SCGB2A1: variants seen among roughly 807,000 people sequenced by gnomAD.
SCGB2A1 encodes secretoglobin family 2A member 1.
A neutral mutation model predicts 9.2 loss-of-function variants in SCGB2A1; 6 were observed. That is an observed-to-expected ratio of 0.66 (90% CI 0.36 to 1.29). The LOEUF (loss-of-function observed/expected upper bound fraction) is 1.29, where lower values mean the gene tolerates loss of function less well. Ranked by LOEUF, SCGB2A1 falls within the 50% of genes most tolerant of loss-of-function variation. The pLI, the probability that SCGB2A1 is intolerant of heterozygous loss-of-function variation, is 0.03. For synonymous variants in SCGB2A1, 37 were observed against 41.0 expected (o/e 0.90, Z 0.37); for missense variants, 138 against 116.9 (o/e 1.18, Z -0.83).
At chr11:62,213,061 C>T (rs1254608205) in intron 2 of SCGB2A1, among the ~76,000 whole-genome samples, 10 of 40,240 alleles carry the variant, frequency 2.5e-4, no homozygotes, top group Non-Finnish European at 4.9e-4. Flanking sequence ...CACATATATA[C>T]ACATATATAC....
intron 2 of SCGB2A1, among the ~76,000 whole-genome samples, chr11:62,213,106 A>ATATATATTT (rs67975205): frequency 0.11 from 12,234 of 116,164 alleles, 1,512 homozygotes; most frequent in Admixed American, 0.14. Flanking sequence ...ATATATATAT[A>ATATATATTT]TTTTTTTTTT....
In SCGB2A1 at chr11:62,213,106, A is replaced by ATATATATATATAT. The variant is rs67975205; in HGVS notation, c.244-619_244-618insATATATATATATT. Reference sequence around the variant, plus strand: ...CATATATACACATATATATATATATATTTTTTTTTTTGTAGAGATGGCATT... The same window carrying ATATATATATATAT: ...CATATATACACATATATATATATATATATATATATATATTTTTTTTTTTTGTAGAGATGGCATT... On this transcript the variant is annotated intron_variant, in intron 2 of 2. Coordinates refer to ENST00000244930, the MANE Select transcript of SCGB2A1 (RefSeq NM_002407.3). Among the ~76,000 whole-genome samples the ATATATATATATAT allele has an allele frequency of 6.3e-4, 73 of 116,226 alleles. 1 individual carries two copies. The highest frequency in any genetic ancestry group is 3.7e-3 in the Admixed American group (39 of 10,438). 76.2% of individuals were successfully genotyped at this position (116,226 alleles called of 152,430 possible). A position where few individuals can be genotyped will look rare whatever the true frequency, so the allele number is the denominator to read the frequency against.
At chr11:62,211,125 T>C (rs1273159681) in intron 2 of SCGB2A1, among the ~76,000 whole-genome samples, 1 of 152,056 alleles carries the variant, frequency 6.6e-6, no homozygotes, top group African/African-American at 2.4e-5. Flanking sequence ...AGTTTCACCA[T>C]GTTGGCCAGG....
chr11:62,210,404 TTTTTC>T lies in SCGB2A1; in HGVS notation c.56-8_56-4del. The T allele has an allele frequency of 1.4e-6, 2 of 1,425,948 alleles. No individual in the cohort carries two copies. Among genetic ancestry groups the T allele is most frequent in the South Asian group, 1.5e-5 (1 of 68,200 alleles). 88.3% of individuals were successfully genotyped at this position (1,425,948 alleles called of 1,614,324 possible). ...CTTGTGTCTTTTTTTTTTTTTTTTT[TTTTTC>T]CAGATTCTGGCTGCAAACTCCTGGA... On this transcript the variant is annotated splice_polypyrimidine_tract_variant and splice_region_variant and intron_variant, in intron 1 of 2. Transcript: ENST00000244930.
In SCGB2A1 at chr11:62,210,569, A is replaced by T; in HGVS notation, c.212A>T (p.His71Leu). The change falls in exon 2 of 3, where the codon CAT (histidine) becomes CTT (leucine). Residue 71 changes from histidine (H) to leucine (L), a missense_variant. Transcript: ENST00000244930. ...AAGCAGTGTTTCCTCAACCAGTCAC[A>T]TAGAACTCTGAAAAACTTTGGACTG... ...KFKQCFLNQSHRTLKNFGLMM... is the reference protein window; with the variant it reads ...KFKQCFLNQSLRTLKNFGLMM... 1 of 1,562,506 alleles carries T rather than the reference A, an allele frequency of 6.4e-7. No individual in the cohort carries two copies. The highest frequency in any genetic ancestry group is 2.2e-5 in the Admixed American group (1 of 46,402).
At chr11:62,212,979 TGC>T (rs1565121327) in intron 2 of SCGB2A1, among the ~76,000 whole-genome samples, 28 of 146,788 alleles carry the variant, frequency 1.9e-4, no homozygotes, top group African/African-American at 6.4e-4. Flanking sequence ...CACATATATG[TGC>T]ACATATACAT....
In SCGB2A1 at chr11:62,210,516, T is replaced by C; in HGVS notation, c.159T>C (p.Asp53=). ...TTCTTCAAGAGTTCATAGACAGTGATGCCGCTGCAGAGGCTATGGGGAAAT... is the reference window on the plus strand; with the variant it reads ...TTCTTCAAGAGTTCATAGACAGTGACGCCGCTGCAGAGGCTATGGGGAAAT... The part of the protein sequence containing the change: ...KELLQEFIDS[D]AAAEAMGKFK... Residue 53 remains aspartate (D), a synonymous_variant, in exon 2 of 3, where the codon GAT becomes GAC. Coordinates refer to ENST00000244930, the MANE Select transcript of SCGB2A1 (RefSeq NM_002407.3). 3 of 1,597,674 alleles carry C rather than the reference T, an allele frequency of 1.9e-6. No homozygotes were observed. The East Asian group carries it at 6.7e-5, about 36-fold the overall frequency.
chr11:62,213,022 A>G (rs1482447899), intron 2 of SCGB2A1, among the ~76,000 whole-genome samples: 1,703 of 61,700 alleles, frequency 0.028, 69 homozygotes, highest in African/African-American at 0.079. Context: ...GCACATATAT[A>G]CATATATACA....
rs377087312 is a variant in SCGB2A1, at chr11:62,212,598, G to A, written c.244-1128G>A. Among the ~76,000 whole-genome samples, 16 of 152,088 alleles carry A rather than the reference G, an allele frequency of 1.1e-4. No homozygotes were observed. The East Asian group carries it at 1.9e-3, about 18-fold the overall frequency. On this transcript the variant is annotated intron_variant, in intron 2 of 2. Coordinates refer to ENST00000244930, the MANE Select transcript of SCGB2A1 (RefSeq NM_002407.3). The stretch of plus-strand genomic sequence containing the variant: ...TGCAGTGAGCCAAGATAGTGCCACC[G>A]CACTCCAGCCTGGGCAACAGAGTAA...
At chr11:62,209,106 T>C (rs1332789844) in intron 1 of SCGB2A1, among the ~76,000 whole-genome samples, 2 of 152,158 alleles carry the variant, frequency 1.3e-5, no homozygotes, top group African/African-American at 4.8e-5. Context: ...AGAGATGGCA[T>C]CTACACCTAG....
In SCGB2A1 at chr11:62,210,566, C is replaced by G. The variant is rs1944821776; in HGVS notation, c.209C>G (p.Ser70Ter). ...GKFKQCFLNQ[S>*]HRTLKNFGLM... Reference sequence around the variant, plus strand: ...TTCAAGCAGTGTTTCCTCAACCAGTCACATAGAACTCTGAAAAACTTTGGA... The same window carrying G: ...TTCAAGCAGTGTTTCCTCAACCAGTGACATAGAACTCTGAAAAACTTTGGA... The change falls in exon 2 of 3, where the codon TCA becomes TGA. Residue 70 changes from serine (S) to a stop codon, truncating the protein, a stop_gained. Transcript: ENST00000244930. LOFTEE classifies it low-confidence loss of function (END_TRUNC). The G allele has an allele frequency of 6.4e-7, 1 of 1,566,790 alleles. No homozygotes were observed. Among genetic ancestry groups the G allele is most frequent in the Admixed American group, 2.1e-5 (1 of 47,428 alleles).
intron 2 of SCGB2A1, among the ~76,000 whole-genome samples, chr11:62,212,919 C>CACACACATAT (rs1944841610): frequency 1.4e-5 from 2 of 143,718 alleles, no homozygotes; most frequent in South Asian, 4.2e-4. Flanking sequence ...CATATATATA[C>CACACACATAT]ACACACACAT....
At chr11:62,212,995 T>C (rs116078708) in intron 2 of SCGB2A1, among the ~76,000 whole-genome samples, 4,435 of 118,962 alleles carry the variant, frequency 0.037, 275 homozygotes, top group African/African-American at 0.13. Context: ...TATACATGCA[T>C]ATATGTACAC....
intron 2 of SCGB2A1, among the ~76,000 whole-genome samples, chr11:62,211,703 A>G (rs1004797569): frequency 6.6e-6 from 1 of 151,788 alleles, no homozygotes; most frequent in Non-Finnish European, 1.5e-5. Context: ...CCCGGCCTAA[A>G]ATAAAGAATT....
chr11:62,212,256 T>TA (rs932355601), intron 2 of SCGB2A1, among the ~76,000 whole-genome samples: 1 of 152,074 alleles, frequency 6.6e-6, no homozygotes, highest in South Asian at 2.1e-4. Flanking sequence ...CATTCCATAA[T>TA]AAAAAATGTA....
At chr11:62,212,827 C>T (rs1379346652) in intron 2 of SCGB2A1, among the ~76,000 whole-genome samples, 2 of 151,836 alleles carry the variant, frequency 1.3e-5, no homozygotes, top group African/African-American at 4.8e-5. Flanking sequence ...CCTCCATCTC[C>T]TGGGCTCAAG....
rs751811917 is a variant in SCGB2A1, at chr11:62,208,762, G to A, written c.31G>A (p.Ala11Thr). MKLLMVLMLA[A>T]LLLHCYADSG... ...GCTGCTGATGGTCCTCATGCTGGCG[G>A]CCCTCCTCCTGCACTGCTATGCAGG... The change falls in exon 1 of 3, where the codon GCC becomes ACC. Residue 11 changes from alanine (A) to threonine (T), a missense_variant. Ala to Thr is a moderately conservative substitution (Grantham distance 58, BLOSUM62 0). Coordinates refer to ENST00000244930, the MANE Select transcript of SCGB2A1 (RefSeq NM_002407.3). The A allele has an allele frequency of 1.2e-6, 2 of 1,613,478 alleles. No individual in the cohort carries two copies. Among genetic ancestry groups the A allele is most frequent in the East Asian group, 2.2e-5 (1 of 44,874 alleles).
chr11:62,212,496 G>A (rs564670694), intron 2 of SCGB2A1, among the ~76,000 whole-genome samples: 23 of 151,798 alleles, frequency 1.5e-4, no homozygotes, highest in Admixed American at 5.9e-4. Context: ...TTAGCTAGGC[G>A]TGGTGGCGCA....
intron 1 of SCGB2A1, 67 bp downstream of exon 1, chr11:62,208,853 T>C: frequency 6.7e-7 from 1 of 1,503,564 alleles, no homozygotes; most frequent in Non-Finnish European, 9.2e-7. Flanking sequence ...GTAGAAGAAC[T>C]CCCAACCTCT....
Sources: gnomAD v4.1 joint callset for allele counts (sites outside exome capture counted in the v4.1 genomes callset) on GRCh38, gnomAD v4.1.1 for gene constraint, MANE v1.5 for transcripts, NCBI Gene and HGNC (gene_info 2026-07-23, HGNC 2026-07-21) for gene names.